Variants in CREBBP observed in about 807,000 individuals in gnomAD.
The protein encoded by CREBBP is CREB-binding protein.
Under a neutral mutation model 265.0 loss-of-function variants are expected in CREBBP, and 19 were observed. That is an observed-to-expected ratio of 0.07 (90% CI 0.05 to 0.11). The LOEUF (loss-of-function observed/expected upper bound fraction) is 0.11. Ranked by LOEUF, CREBBP falls within the 10% of genes least tolerant of loss-of-function variation. CREBBP has a pLI of 1.00. For missense variants in CREBBP, 2,525 were observed against 3,219.0 expected, an observed-to-expected ratio of 0.78 and a Z score of 5.22; for synonymous variants, 1,457 against 1,223.7, an observed-to-expected ratio of 1.19 and a Z score of -3.98.
Position 3,778,909 on chromosome 16 carries a change from G to C in CREBBP, c.1824-92C>G, listed in dbSNP as rs976788678. 72 of 1,050,892 alleles carry C rather than the reference G, an allele frequency of 6.9e-5. 2 individuals carry two copies. The highest frequency in any genetic ancestry group is 1.3e-5 in the South Asian group (1 of 79,668). The allele number at this position is 1,050,892 out of a possible 1,614,324, so 65.1% of individuals were successfully genotyped here. On this transcript the variant is annotated intron_variant, in intron 8 of 30. Coordinates refer to ENST00000262367, the MANE Select transcript of CREBBP (RefSeq NM_004380.3). ...CGTCCAGGCGCGGTGGCTCACGCTT[G>C]TAATCCCAGCACTTTGGGAGGCTGA...
chr16:3,845,968 A>C (rs2054660223), intron 2 of CREBBP, among the ~76,000 whole-genome samples: 1 of 151,890 alleles, frequency 6.6e-6, no homozygotes. Context: ...TAGGAAAAGC[A>C]CTTCTAAAAT....
chr16:3,876,512 G>A (rs1431170643), intron 1 of CREBBP, among the ~76,000 whole-genome samples: 1 of 146,720 alleles, frequency 6.8e-6, no homozygotes, highest in Non-Finnish European at 1.5e-5. Flanking sequence ...GATGTTGAAA[G>A]ACACAATATG....
rs1190336637 is a variant in CREBBP at position 3,728,376 on chromosome 16, C to G, written c.6671G>C (p.Gly2224Ala). Residue 2224 changes from glycine (G) to alanine (A), a missense_variant, in exon 31 of 31, where the codon GGC becomes GCC. By Grantham distance (60) the Gly-to-Ala change is moderately conservative. This residue lies in a region of CREBBP where 473 missense variants were observed against 459.3 expected (regional missense o/e 1.03). Transcript: ENST00000262367. The surrounding 1 kb of genome is among the most constrained non-coding windows in gnomAD (Gnocchi z 8.7). ...CTGGAACTGGCCGTGCCCCGCCATG[C>G]CCCCAGCCATGCCGGCACTCCCTTG... ...QQQGSAGMAGGMAGHGQFQQP... is the reference protein window; with the variant it reads ...QQQGSAGMAGAMAGHGQFQQP... The G allele has an allele frequency of 2.9e-5, 47 of 1,613,248 alleles. No individual in the cohort carries two copies. Among genetic ancestry groups the G allele is most frequent in the Non-Finnish European group, 4.0e-5 (47 of 1,179,700 alleles).
At chr16:3,823,443 C>T (rs888530507) in intron 2 of CREBBP, among the ~76,000 whole-genome samples, 3 of 152,138 alleles carry the variant, frequency 2.0e-5, no homozygotes, top group East Asian at 1.9e-4. Context: ...AAGCTTTGCT[C>T]GAATGCCTTA....
At chr16:3,836,061 T>TA (rs1158824359) in intron 2 of CREBBP, among the ~76,000 whole-genome samples, 1 of 152,020 alleles carries the variant, frequency 6.6e-6, no homozygotes, top group East Asian at 1.9e-4. Flanking sequence ...AGAAGCCTTA[T>TA]AAAAAAGCAC....
Position 3,778,845 on chromosome 16 carries a change from ACT to A in CREBBP, c.1824-30_1824-29del, listed in dbSNP as rs1491295891. 2.5e-6 allele frequency: 4 copies of A among 1,589,490 alleles called. No individual in the cohort carries two copies. In the Admixed American group the frequency reaches 6.7e-5, roughly 27 times the overall value. On this transcript the variant is annotated intron_variant, in intron 8 of 30. Coordinates refer to ENST00000262367, the MANE Select transcript of CREBBP (RefSeq NM_004380.3). ...GAAAGGATAACACATCTATCAAACT[ACT>A]TTTTTTTTTCTTCTTTTTTTTAAAG...
intron 16 of CREBBP, among the ~76,000 whole-genome samples, chr16:3,764,969 TTTTG>T (rs2052813688): frequency 7.0e-6 from 1 of 143,224 alleles, no homozygotes; most frequent in African/African-American, 2.9e-5. Context: ...TTTTTTTTTG[TTTTG>T]TTTTTGTTTT....
At chr16:3,826,322 T>C (rs929412593) in intron 2 of CREBBP, among the ~76,000 whole-genome samples, 3 of 152,234 alleles carry the variant, frequency 2.0e-5, no homozygotes, top group Non-Finnish European at 4.4e-5. Flanking sequence ...TCTCCCACAC[T>C]GAAGAAGTCT....
rs1279548473 is a variant in CREBBP, at chr16:3,740,443, G to T, written c.4089C>A (p.Ala1363=). ...TGACCTCCACCGTCTTGTCTGAGCT[G>T]GCCACCACTCGGACAAAAACCTCCC... The part of the protein sequence containing the change: ...EAGEVFVRVV[A]SSDKTVEVKP... Residue 1363 remains alanine, a synonymous_variant, in exon 24 of 31, where the codon GCC becomes GCA. Transcript: ENST00000262367. 6.2e-7 allele frequency: 1 copy of T among 1,614,136 alleles called. No individual in the cohort carries two copies. The highest frequency in any genetic ancestry group is 2.2e-5 in the East Asian group (1 of 44,858).
At chr16:3,845,215 G>T (rs1056647883) in intron 2 of CREBBP, among the ~76,000 whole-genome samples, 1 of 152,174 alleles carries the variant, frequency 6.6e-6, no homozygotes, top group African/African-American at 2.4e-5. Context: ...TTGCTCTGTA[G>T]TGGGGTTCAG....
chr16:3,773,636 T>C lies in CREBBP; in HGVS notation c.2463+115A>G, dbSNP rs535400167. 41 of 1,111,468 alleles carry C rather than the reference T, an allele frequency of 3.7e-5. No homozygotes were observed. The African/African-American group carries it at 5.7e-4, about 15-fold the overall frequency. 68.9% of individuals were successfully genotyped at this position (1,111,468 alleles called of 1,614,324 possible). On this transcript the variant is annotated intron_variant, in intron 13 of 30. Transcript: ENST00000262367. ...ACAAAGAGAAGCTGATACAAAGACA[T>C]GAAATGTGCATTCTGGAATTTTAAT...
At chr16:3,762,035 CAT>C (rs761271683) in intron 16 of CREBBP, among the ~76,000 whole-genome samples, 6 of 152,216 alleles carry the variant, frequency 3.9e-5, no homozygotes, top group South Asian at 2.1e-4. Flanking sequence ...TATTTCATGA[CAT>C]GTGAAAATCA....
intron 2 of CREBBP, among the ~76,000 whole-genome samples, chr16:3,816,980 A>G (rs1368994567): frequency 6.6e-6 from 1 of 152,242 alleles, no homozygotes; most frequent in East Asian, 1.9e-4. Context: ...CGGAAGAGGC[A>G]GCAGGAACAG....
rs1414213648 is a variant in CREBBP at position 3,731,715 on chromosome 16, C to T, written c.4890+61G>A. The T allele has an allele frequency of 6.2e-7, 1 of 1,609,742 alleles. No individual in the cohort carries two copies. Among genetic ancestry groups the T allele is most frequent in the African/African-American group, 1.3e-5 (1 of 74,846 alleles). Reference sequence around the variant, plus strand: ...CTGCACACGGGCCCACGCCCGCCAGCTGCGAGTCTTTCCCTCCTCCCGGCC... The same window carrying T: ...CTGCACACGGGCCCACGCCCGCCAGTTGCGAGTCTTTCCCTCCTCCCGGCC... On this transcript the variant is annotated intron_variant, in intron 29 of 30. Transcript: ENST00000262367. The surrounding 1 kb of genome is among the most constrained non-coding windows in gnomAD (Gnocchi z 7.7).
chr16:3,788,415 G>C (rs1187280489), intron 5 of CREBBP, among the ~76,000 whole-genome samples: 1 of 152,172 alleles, frequency 6.6e-6, no homozygotes, highest in Non-Finnish European at 1.5e-5. Flanking sequence ...CCTACACTTT[G>C]AGCAGCAAGA....
intron 3 of CREBBP, among the ~76,000 whole-genome samples, chr16:3,804,994 G>C (rs897679100): frequency 1.7e-4 from 26 of 152,194 alleles, no homozygotes; most frequent in African/African-American, 6.0e-4. Context: ...CAAAGGACTC[G>C]CTACTTTCTC....
intron 13 of CREBBP, among the ~76,000 whole-genome samples, chr16:3,772,751 T>G (rs1596892320): frequency 6.6e-6 from 1 of 151,960 alleles, no homozygotes; most frequent in East Asian, 1.9e-4. Flanking sequence ...TAATAATGAC[T>G]TATGCAGCAT....
chr16:3,813,678 T>C (rs913662498), intron 2 of CREBBP, among the ~76,000 whole-genome samples: 5 of 152,174 alleles, frequency 3.3e-5, no homozygotes, highest in African/African-American at 1.2e-4. Context: ...TTTCCCTCGA[T>C]CAATTCATCC....
At chr16:3,827,734 A>T (rs1337695691) in intron 2 of CREBBP, among the ~76,000 whole-genome samples, 1 of 152,044 alleles carries the variant, frequency 6.6e-6, no homozygotes, top group Non-Finnish European at 1.5e-5. Context: ...TCTGTAGCCC[A>T]AGCTGGAGTA....
Sources: allele counts gnomAD v4.1 joint callset (sites outside exome capture counted in the v4.1 genomes callset), GRCh38; gene constraint gnomAD v4.1.1; regional missense constraint gnomAD v4.1.1; non-coding constraint Gnocchi (gnomAD v3.1); transcripts MANE v1.5; gene names NCBI Gene and HGNC (gene_info 2026-07-23, HGNC 2026-07-21).